ZNF236: variants seen among roughly 807,000 people sequenced by gnomAD.
ZNF236 encodes the protein regulated by glucose.
A neutral mutation model predicts 191.2 loss-of-function variants in ZNF236; 50 were observed. That is an observed-to-expected ratio of 0.26 (90% confidence interval 0.21 to 0.33). The LOEUF (loss-of-function observed/expected upper bound fraction) is 0.33. Among genes scored for constraint, ZNF236 ranks in the 10% least tolerant of loss-of-function variants. The pLI is 1.00. For missense variants in ZNF236, 1,754 were observed against 2,374.5 expected, an observed-to-expected ratio of 0.74 and a Z score of 5.43; for synonymous variants, 907 against 928.8, an observed-to-expected ratio of 0.98 and a Z score of 0.43.
chr18:76,905,545 G>C, intron 13 of ZNF236, 130 bp downstream of exon 13: 14 of 63,942 alleles, frequency 2.2e-4, no homozygotes, highest in South Asian at 9.0e-4. Flanking sequence ...ATGGGCTCAA[G>C]AAAAAAAAAA....
Position 76,927,328 on chromosome 18 carries a change from C to G in ZNF236, c.4225C>G (p.Gln1409Glu). ...QTLQQGNLLA[Q>E]QLTGEPGLAP... Reference sequence around the variant, plus strand: ...GCTACAGCAGGGCAACCTATTGGCTCAGCAGCTCACGGGGGAGCCTGGCCT... The same window carrying G: ...GCTACAGCAGGGCAACCTATTGGCTGAGCAGCTCACGGGGGAGCCTGGCCT... The change falls in exon 24 of 31, where the codon CAG becomes GAG. Residue 1409 changes from glutamine (Q) to glutamate (E), a missense_variant. Gln to Glu is a conservative substitution (Grantham distance 29). This residue lies in a region of ZNF236 where 606 missense variants were observed against 761.5 expected (regional missense o/e 0.80). Coordinates refer to ENST00000320610, the MANE Select transcript of ZNF236 (RefSeq NM_001306089.2). The surrounding 1 kb of genome is among the most constrained non-coding windows in gnomAD (Gnocchi z 5.4). 1 of 1,614,176 alleles carries G rather than the reference C, an allele frequency of 6.2e-7. No homozygotes were observed. Among genetic ancestry groups the G allele is most frequent in the Non-Finnish European group, 8.5e-7 (1 of 1,180,040 alleles).
chr18:76,913,611 A>G, intron 17 of ZNF236, 136 bp from the exon 18 acceptor site: 1 of 841,660 alleles, frequency 1.2e-6, no homozygotes, highest in Non-Finnish European at 1.9e-6. Context: ...GAGCACACCT[A>G]GGTTCTATAA....
chr18:76,910,052 T>A lies in ZNF236; in HGVS notation c.2552-16T>A, dbSNP rs1360301859. The stretch of plus-strand genomic sequence containing the variant: ...TCCAAATGTATGCGTCCCCCTTTTT[T>A]ACATCTCATCCTCAGATGGGTTTGT... On this transcript the variant is annotated splice_polypyrimidine_tract_variant and intron_variant, in intron 14 of 30. Transcript: ENST00000320610. 7 of 1,596,786 alleles carry A rather than the reference T, an allele frequency of 4.4e-6. No individual in the cohort carries two copies. The East Asian group carries it at 1.6e-4, about 36-fold the overall frequency.
intron 9 of ZNF236, among the ~76,000 whole-genome samples, chr18:76,889,583 TCTGTAAGGTGGGA>T (rs1367332673): frequency 6.6e-6 from 1 of 152,192 alleles, no homozygotes; most frequent in Non-Finnish European, 1.5e-5. Context: ...CAACTTCTCA[TCTGTAAGGTGGGA>T]CTAAGGATAG....
In ZNF236 at chr18:76,934,826, G is replaced by A. The variant is rs554672894; in HGVS notation, c.4595-2330G>A. Among the ~76,000 whole-genome samples, 21 of 152,302 alleles carry A rather than the reference G, an allele frequency of 1.4e-4. 1 individual carries two copies. In the South Asian group the frequency reaches 3.9e-3, roughly 29 times the overall value. On this transcript the variant is annotated intron_variant, in intron 25 of 30. Transcript: ENST00000320610. The stretch of plus-strand genomic sequence containing the variant: ...TTTCAGTTAATCGCAAGAAAAAACT[G>A]ATATCATATCTTTTAAATTATTTTT...
intron 9 of ZNF236, among the ~76,000 whole-genome samples, chr18:76,883,086 C>T (rs1361091026): frequency 6.6e-6 from 1 of 152,174 alleles, no homozygotes; most frequent in Non-Finnish European, 1.5e-5. Flanking sequence ...AGCACCACCC[C>T]GTGCTGCTCC....
At chr18:76,967,689 C>T (rs1198827618) in intron 30 of ZNF236, among the ~76,000 whole-genome samples, 2 of 106,356 alleles carry the variant, frequency 1.9e-5, no homozygotes, top group African/African-American at 7.2e-5. Context: ...GTGGTGTGAT[C>T]TGTGAGATTT....
At position 76,895,021 on chromosome 18, in the gene ZNF236, C is replaced by T; in HGVS notation, c.1426C>T (p.Arg476Cys). Reference protein sequence around the residue: ...KKSPFLPGSIREENGVRWHVC... With the variant: ...KKSPFLPGSICEENGVRWHVC... ...GTCCTCTCCCTTCACAGGCTCCATC[C>T]GCGAGGAGAACGGCGTGCGCTGGCA... Residue 476 changes from arginine to cysteine, a missense_variant, in exon 10 of 31, where the codon CGC (arginine) becomes TGC (cysteine). Arg to Cys is a radical substitution (Grantham distance 180). Around this residue, in one of 5 missense-constraint regions of ZNF236, gnomAD observed 126 missense variants for 110.9 expected, o/e 1.14. Transcript: ENST00000320610. 1.9e-6 allele frequency: 3 copies of T among 1,609,170 alleles called. No homozygotes were observed. Among genetic ancestry groups the T allele is most frequent in the East Asian group, 2.2e-5 (1 of 44,884 alleles).
intron 1 of ZNF236, among the ~76,000 whole-genome samples, chr18:76,825,859 C>T (rs931748929): frequency 2.0e-5 from 3 of 152,206 alleles, no homozygotes; most frequent in East Asian, 1.9e-4. Context: ...GATTCTCCCA[C>T]GTCAGTCTCC....
chr18:76,835,066 T>C (rs975101362), intron 1 of ZNF236, among the ~76,000 whole-genome samples: 1 of 151,980 alleles, frequency 6.6e-6, no homozygotes, highest in Non-Finnish European at 1.5e-5. Flanking sequence ...TTTAAGGTTG[T>C]AGGTATTAAG....
At chr18:76,966,742 G>A (rs1274846521) in intron 30 of ZNF236, among the ~76,000 whole-genome samples, 1 of 152,202 alleles carries the variant, frequency 6.6e-6, no homozygotes, top group African/African-American at 2.4e-5. Flanking sequence ...TTCAGAGTAT[G>A]GATATTGGGG....
intron 20 of ZNF236, among the ~76,000 whole-genome samples, chr18:76,921,703 C>T (rs1967539195): frequency 1.3e-5 from 2 of 148,698 alleles, no homozygotes; most frequent in South Asian, 2.1e-4. Flanking sequence ...ATGTCTCCAT[C>T]GACTGTACCT....
intron 5 of ZNF236, among the ~76,000 whole-genome samples, chr18:76,873,509 A>G (rs1316514613): frequency 1.3e-5 from 2 of 152,102 alleles, no homozygotes; most frequent in African/African-American, 4.8e-5. Flanking sequence ...TTTAAACAGG[A>G]GGCTGGCGGG....
Position 76,883,883 on chromosome 18 carries a change from C to T in ZNF236, c.1417+2371C>T, listed in dbSNP as rs147366558. On this transcript the variant is annotated intron_variant, in intron 9 of 30. Coordinates refer to ENST00000320610, the MANE Select transcript of ZNF236 (RefSeq NM_001306089.2). ...ACCATGAGGAAAACTATTCTTGTCT[C>T]GTAAGTCATAACATTAATTGCTTAT... Among the ~76,000 whole-genome samples the T allele has an allele frequency of 4.3e-3, 651 of 152,294 alleles. 3 individuals are homozygous for T. The highest frequency in any genetic ancestry group is 7.3e-3 in the Non-Finnish European group (499 of 68,024).
chr18:76,861,326 A>G (rs1976214838), intron 3 of ZNF236, among the ~76,000 whole-genome samples: 1 of 152,190 alleles, frequency 6.6e-6, no homozygotes, highest in Non-Finnish European at 1.5e-5. Context: ...ACCATGGTTT[A>G]CAGTGAGAAC....
At chr18:76,828,905 A>G (rs933618384) in intron 1 of ZNF236, among the ~76,000 whole-genome samples, 83 of 152,202 alleles carry the variant, frequency 5.5e-4, no homozygotes, top group African/African-American at 1.7e-3. Flanking sequence ...GAGCCAGGCA[A>G]TCTGCCCCGC....
At chr18:76,843,911 T>C (rs1238784125) in intron 1 of ZNF236, among the ~76,000 whole-genome samples, 1 of 146,664 alleles carries the variant, frequency 6.8e-6, no homozygotes, top group Non-Finnish European at 1.5e-5. Context: ...GGTGCAGTGG[T>C]TCACGCCTGT....
intron 11 of ZNF236, among the ~76,000 whole-genome samples, chr18:76,900,735 A>G (rs936131082): frequency 2.0e-5 from 3 of 152,266 alleles, no homozygotes; most frequent in African/African-American, 7.2e-5. Flanking sequence ...AGACAGATTG[A>G]AAATAAGTAA....
chr18:76,909,799 ATTATG>A (rs1246676842), intron 14 of ZNF236, among the ~76,000 whole-genome samples: 1 of 152,246 alleles, frequency 6.6e-6, no homozygotes, highest in East Asian at 1.9e-4. Flanking sequence ...GTTTTAAACA[ATTATG>A]GAATGTAATA....
Sources: gnomAD v4.1 joint callset for allele counts (sites outside exome capture counted in the v4.1 genomes callset) on GRCh38, gnomAD v4.1.1 for gene constraint, gnomAD v4.1.1 regional missense constraint, Gnocchi (gnomAD v3.1) non-coding constraint, MANE v1.5 for transcripts, NCBI Gene and HGNC (gene_info 2026-07-23, HGNC 2026-07-21) for gene names.